Variants in PTCH1 observed in about 807,000 individuals in gnomAD.
PTCH1 encodes protein patched homolog 1.
In PTCH1, 14 loss-of-function variants were observed where a neutral mutation model predicts 144.6. The observed-to-expected ratio is 0.10, with a 90% CI of 0.06 to 0.15. The LOEUF (loss-of-function observed/expected upper bound fraction) is 0.15, where lower values mean the gene tolerates loss of function less well. PTCH1 is among the 10% of genes least tolerant of loss of function. PTCH1 has a pLI of 1.00. For missense variants in PTCH1, 1,623 were observed against 1,948.3 expected, an observed-to-expected ratio of 0.83 and a Z score of 3.14; for synonymous variants, 833 against 793.6, an observed-to-expected ratio of 1.05 and a Z score of -0.83.
At chr9:95,507,318 C>G in intron 1 of PTCH1, 1 of 985,480 alleles carries the variant, frequency 1.0e-6, no homozygotes, top group South Asian at 4.7e-5. Flanking sequence ...CAGCCGAGTG[C>G]AAAGGGAAGG....
At chr9:95,483,484 G>A (rs1312800992) in intron 3 of PTCH1, 1 of 151,826 alleles carries the variant, frequency 6.6e-6, no homozygotes, top group East Asian at 1.9e-4. Flanking sequence ...GCCTCCTAAG[G>A]GAGGCCTGTC....
chr9:95,472,342 G>C (rs555149621), intron 12 of PTCH1, among the ~76,000 whole-genome samples: 3 of 150,640 alleles, frequency 2.0e-5, no homozygotes, highest in African/African-American at 7.4e-5. Flanking sequence ...TTGATGCCAA[G>C]CCCCTAGCTC....
At chr9:95,474,061 G>A (rs1178692475) in intron 12 of PTCH1, 4 of 499,924 alleles carry the variant, frequency 8.0e-6, no homozygotes, top group Non-Finnish European at 1.6e-5. Flanking sequence ...CTCCTCGTAA[G>A]GAAACCTCAT....
Position 95,479,179 on chromosome 9 carries a change from C to T in PTCH1, c.1068-32G>A, listed in dbSNP as rs1368654292. 1.9e-6 allele frequency: 3 copies of T among 1,613,726 alleles called. No individual in the cohort carries two copies. The South Asian group carries it at 3.3e-5, about 18-fold the overall frequency. On this transcript the variant is annotated intron_variant, in intron 7 of 23. Transcript: ENST00000331920. ...CACAGTCCAAGGGAAGGCACATCAT[C>T]AGTATTCCCAGGAAGCAGTTTCCAC... is the stretch of plus-strand genomic sequence containing the variant.
chr9:95,458,259 G>A lies in PTCH1; in HGVS notation c.2922C>T (p.Phe974=), dbSNP rs747385350. Residue 974 remains phenylalanine, a synonymous_variant, in exon 18 of 24, where the codon TTC becomes TTT. Transcript: ENST00000331920. This position sits in a 1 kb window ranked among gnomAD's most constrained non-coding sequence, Gnocchi z 4.7. ...CCCGCAAGCCGTTGAGGTAGAAAGG[G>A]AACTGGGCATACTCGATGGGCTCTG... is the stretch of plus-strand genomic sequence containing the variant. ...PAAEPIEYAQ[F]PFYLNGLRDT... 6.2e-7 allele frequency: 1 copy of A among 1,614,054 alleles called. No individual in the cohort carries two copies. The highest frequency in any genetic ancestry group is 8.5e-7 in the Non-Finnish European group (1 of 1,180,040).
upstream of PTCH1, among the ~76,000 whole-genome samples, chr9:95,513,140 C>T (rs1156454010): frequency 2.0e-5 from 3 of 152,206 alleles, no homozygotes; most frequent in Admixed American, 2.0e-4. Flanking sequence ...AATAAAACAT[C>T]TGCCCTTTGT....
Position 95,468,975 on chromosome 9 carries a change from A to G in PTCH1, c.2026T>C (p.Tyr676His), listed in dbSNP as rs1270892737. Residue 676 changes from tyrosine to histidine, a missense_variant, in exon 14 of 24, where the codon TAC becomes CAC. Around this residue, in one of 7 missense-constraint regions of PTCH1, gnomAD observed 179 missense variants for 165.7 expected, o/e 1.08. Coordinates refer to ENST00000331920, the MANE Select transcript of PTCH1 (RefSeq NM_000264.5). ...TCGGAGCGCGGCTCAGCGGTGGTGT[A>G]GTACACGTGCGTGTGGGGGTCGTAC... ...TEYDPHTHVY[Y>H]TTAEPRSEIS... 2 of 1,613,912 alleles carry G rather than the reference A, an allele frequency of 1.2e-6. No homozygotes were observed. The highest frequency in any genetic ancestry group is 1.7e-6 in the Non-Finnish European group (2 of 1,180,038).
rs1027784531 is a variant in PTCH1, at chr9:95,450,050, C to T, written c.3450-110G>A. On this transcript the variant is annotated intron_variant, in intron 20 of 23. Transcript: ENST00000331920. ...AACGCCAGAAATGAACAAAACCCAC[C>T]CCACTGAAAAGGCTGTTATCCAACC... 6 of 986,394 alleles carry T rather than the reference C, an allele frequency of 6.1e-6. No individual in the cohort carries two copies. In the African/African-American group the frequency reaches 6.4e-5, roughly 11 times the overall value. 61.1% of individuals were successfully genotyped at this position (986,394 alleles called of 1,614,324 possible).
At chr9:95,509,424 TAGAG>T (rs940784522), upstream of PTCH1, among the ~76,000 whole-genome samples, 14 of 152,130 alleles carry the variant, frequency 9.2e-5, no homozygotes, top group Admixed American at 3.9e-4. Context: ...CTCACCAAAG[TAGAG>T]AGACCACCCA....
intron 18 of PTCH1, among the ~76,000 whole-genome samples, chr9:95,456,633 TA>T (rs1338789929): frequency 6.6e-6 from 1 of 152,218 alleles, no homozygotes; most frequent in African/African-American, 2.4e-5. Flanking sequence ...GAAGGCAAAG[TA>T]GAGTGTTCTA....
chr9:95,457,819 G>A (rs1341443516), intron 18 of PTCH1, among the ~76,000 whole-genome samples, 194 bp downstream of exon 18: 3 of 152,284 alleles, frequency 2.0e-5, no homozygotes, highest in African/African-American at 7.2e-5. Context: ...ACAGGAGAGA[G>A]GACCTACGAA....
At chr9:95,459,201 A>C (rs1314496048) in intron 17 of PTCH1, among the ~76,000 whole-genome samples, 1 of 152,220 alleles carries the variant, frequency 6.6e-6, no homozygotes, top group African/African-American at 2.4e-5. Context: ...GGAATGACCC[A>C]ATGTGCCAAA....
intron 13 of PTCH1, 168 bp from the exon 14 acceptor site, chr9:95,469,321 A>G (rs1343051718): frequency 3.1e-5 from 30 of 961,768 alleles, no homozygotes; most frequent in Middle Eastern, 3.2e-4. Context: ...TGATAACATC[A>G]CCTGGTTCAT....
intron 2 of PTCH1, chr9:95,495,288 T>A (rs2039720245): frequency 2.0e-5 from 3 of 152,062 alleles, no homozygotes; most frequent in Admixed American, 6.6e-5. Flanking sequence ...AACGGAAGGG[T>A]GGAGGTGGGG....
chr9:95,507,506 T>C (rs1843779727), intron 1 of PTCH1: 1 of 937,774 alleles, frequency 1.1e-6, no homozygotes. Context: ...GGTGGCAATT[T>C]GTTTACAACT....
intron 2 of PTCH1, among the ~76,000 whole-genome samples, chr9:95,486,493 T>C (rs1841973340): frequency 6.6e-6 from 1 of 152,248 alleles, no homozygotes; most frequent in African/African-American, 2.4e-5. Context: ...CCTGGTTCCA[T>C]CAGACGCACC....
Position 95,467,309 on chromosome 9 carries a change from G to A in PTCH1, c.2367C>T (p.Asp789=), listed in dbSNP as rs908085179. Residue 789 remains aspartate (D), a synonymous_variant, in exon 15 of 24, where the codon GAC becomes GAT. Transcript: ENST00000331920. ...DIVPRETREY[D]FIAAQFKYFS... ...AGTATTTGAATTGTGCAGCAATAAA[G>A]TCATATTCTCTGGTTTCCCGAGGTA... 5.6e-6 allele frequency: 9 copies of A among 1,614,082 alleles called. No individual in the cohort carries two copies. The highest frequency in any genetic ancestry group is 3.3e-5 in the Admixed American group (2 of 60,004).
exon 1 of PTCH1, chr9:95,516,782 A>C (rs1844388069): frequency 4.3e-6 from 7 of 1,611,838 alleles, no homozygotes; most frequent in Non-Finnish European, 5.9e-6. Flanking sequence ...TGCAGCGCGG[A>C]CTCACAATTA....
rs753444120 is a variant in PTCH1 at position 95,449,372 on chromosome 9, T to A, written c.3550-49A>T. 1.1e-5 allele frequency: 17 copies of A among 1,537,776 alleles called. No individual in the cohort carries two copies. The South Asian group carries it at 2.0e-4, about 18-fold the overall frequency. ...AAAGTGTTCTTGTCCATTTACCTGC[T>A]GGCCACACTCAAAGCTCAAAGCACG... On this transcript the variant is annotated intron_variant, in intron 21 of 23. Coordinates refer to ENST00000331920, the MANE Select transcript of PTCH1 (RefSeq NM_000264.5). The surrounding 1 kb of genome is among the most constrained non-coding windows in gnomAD (Gnocchi z 5.3).
Sources: gnomAD v4.1 joint callset for allele counts (sites outside exome capture counted in the v4.1 genomes callset) on GRCh38, gnomAD v4.1.1 for gene constraint, gnomAD v4.1.1 regional missense constraint, Gnocchi (gnomAD v3.1) non-coding constraint, MANE v1.5 for transcripts, NCBI Gene and HGNC (gene_info 2026-07-23, HGNC 2026-07-21) for gene names.